Variants in PCDHA4 observed in about 807,000 individuals in gnomAD.
PCDHA4 encodes the protein protocadherin alpha-4.
Under a neutral mutation model 61.4 loss-of-function variants are expected in PCDHA4, and 49 were observed. The ratio of observed to expected loss-of-function variants is 0.80; its 90% CI spans 0.63 to 1.01. The LOEUF (loss-of-function observed/expected upper bound fraction) is 1.01, where lower values mean the gene tolerates loss of function less well. PCDHA4 is among the 50% of genes least tolerant of loss of function. The probability of loss-of-function intolerance (pLI) is 0.00; values close to 1 mark genes in which losing one functional copy is unlikely to be tolerated. For synonymous variants in PCDHA4, 590 were observed against 550.3 expected, an observed-to-expected ratio of 1.07 and a Z score of -1.01; for missense variants, 1,254 against 1,235.8, an observed-to-expected ratio of 1.01 and a Z score of -0.22.
In PCDHA4 at chr5:140,834,549, C is replaced by G. The variant is rs782435489; in HGVS notation, c.2385+24977C>G. 3 of 1,614,074 alleles carry G rather than the reference C, an allele frequency of 1.9e-6. No individual in the cohort carries two copies. Among genetic ancestry groups the G allele is most frequent in the Non-Finnish European group, 2.5e-6 (3 of 1,180,034 alleles). On this transcript the variant is annotated intron_variant, in intron 1 of 3. Transcript: ENST00000530339. ...CATCGCGCAGGACCTGGGGCTGGAG[C>G]TGGCGGAGCTGGTGCCGCGCCTGTT...
At chr5:140,819,523 A>C (rs1766575570) in intron 1 of PCDHA4, among the ~76,000 whole-genome samples, 2 of 152,158 alleles carry the variant, frequency 1.3e-5, no homozygotes, top group Admixed American at 6.5e-5. Flanking sequence ...TAACTGGATC[A>C]GTCAAGAAAA....
rs782495760 is a variant in PCDHA4 at position 141,010,201 on chromosome 5, C to T, written c.*264C>T. Reference sequence around the variant, plus strand: ...GCAGACCCAAGTTTCCTTTCTCCTCCGCCGCAAAGGAGAGGCTTCCCAGCC... The same window carrying T: ...GCAGACCCAAGTTTCCTTTCTCCTCTGCCGCAAAGGAGAGGCTTCCCAGCC... On this transcript the variant is annotated 3_prime_UTR_variant, in exon 4 of 4. Coordinates refer to ENST00000530339, the MANE Select transcript of PCDHA4 (RefSeq NM_018907.4). The T allele has an allele frequency of 1.3e-5, 20 of 1,552,034 alleles. No individual in the cohort carries two copies. The East Asian group carries it at 1.7e-4, about 13-fold the overall frequency.
At chr5:140,995,317 C>T (rs1554254587) in intron 3 of PCDHA4, among the ~76,000 whole-genome samples, 1 of 152,118 alleles carries the variant, frequency 6.6e-6, no homozygotes, top group Non-Finnish European at 1.5e-5. Flanking sequence ...TCTAAGTGAA[C>T]TAACAGGTGA....
intron 1 of PCDHA4, chr5:140,871,184 A>G (rs2052793987): frequency 6.2e-7 from 1 of 1,613,434 alleles, no homozygotes; most frequent in African/African-American, 1.3e-5. Context: ...GCGCTGGTGG[A>G]TGTCAACGTG....
intron 1 of PCDHA4, among the ~76,000 whole-genome samples, chr5:140,873,602 C>T (rs1554166789): frequency 6.6e-6 from 1 of 152,118 alleles, no homozygotes; most frequent in African/African-American, 2.4e-5. Flanking sequence ...TTAGATGTTC[C>T]TATTGGCTTA....
rs368557415 is a variant in PCDHA4, at chr5:140,808,464, C to T, written c.1277C>T (p.Thr426Ile). 1,073 of 1,614,164 alleles carry T rather than the reference C, an allele frequency of 6.6e-4. 17 individuals are homozygous for T. In the South Asian group the frequency reaches 0.011, roughly 17 times the overall value. ...GTGTCAGCCTATGAGCTGGTGGTGA[C>T]CGCGCGAGACGGGGGCTCGCCTTCG... ...ESVSAYELVV[T>I]ARDGGSPSLW... The change falls in exon 1 of 4, where the codon ACC (threonine) becomes ATC (isoleucine). Residue 426 changes from threonine (T) to isoleucine (I), a missense_variant. Physicochemically the swap from Thr to Ile is moderately conservative, Grantham distance 89. Transcript: ENST00000530339.
intron 1 of PCDHA4, chr5:140,829,834 G>A (rs1263397985): frequency 2.5e-6 from 4 of 1,613,810 alleles, no homozygotes; most frequent in African/African-American, 2.7e-5. Flanking sequence ...GCGAGCTGGT[G>A]CCGCGGTCAC....
chr5:140,837,632 C>T (rs2150277792), intron 1 of PCDHA4, among the ~76,000 whole-genome samples: 69 of 151,222 alleles, frequency 4.6e-4, no homozygotes, highest in South Asian at 6.3e-4. Flanking sequence ...TTCCTTCCTT[C>T]CTTTCTTTCT....
At chr5:140,941,409 C>G (rs1284702446) in intron 1 of PCDHA4, among the ~76,000 whole-genome samples, 1 of 149,924 alleles carries the variant, frequency 6.7e-6, no homozygotes, top group Non-Finnish European at 1.5e-5. Flanking sequence ...CTCCGCCTCC[C>G]GGGTTCAAGC....
chr5:140,981,407 C>G (rs1410838924), intron 2 of PCDHA4, among the ~76,000 whole-genome samples: 1 of 152,042 alleles, frequency 6.6e-6, no homozygotes, highest in Non-Finnish European at 1.5e-5. Flanking sequence ...AAACCTGTCT[C>G]TACTAAAAAT....
At chr5:140,970,139 A>G (rs1433151291) in intron 1 of PCDHA4, among the ~76,000 whole-genome samples, 3 of 152,124 alleles carry the variant, frequency 2.0e-5, no homozygotes, top group Non-Finnish European at 4.4e-5. Flanking sequence ...AGAAGGGAAA[A>G]AGAATTCTCC....
chr5:140,926,823 G>A (rs1454618329), intron 1 of PCDHA4: 2 of 1,496,880 alleles, frequency 1.3e-6, no homozygotes, highest in Non-Finnish European at 1.8e-6. Flanking sequence ...TGCTCTCCAG[G>A]AGTCCGGAGC....
At chr5:140,817,727 G>A (rs1353806960) in intron 1 of PCDHA4, 3 of 151,996 alleles carry the variant, frequency 2.0e-5, no homozygotes, top group Non-Finnish European at 4.4e-5. Context: ...ACCTATATAT[G>A]TTTCTTTCTG....
At chr5:140,982,054 G>T (rs565307071) in intron 2 of PCDHA4, among the ~76,000 whole-genome samples, 1 of 152,322 alleles carries the variant, frequency 6.6e-6, no homozygotes, top group East Asian at 1.9e-4. Context: ...AAATATTTTA[G>T]TGTGTTTTCT....
chr5:140,888,533 T>C (rs2061866119), intron 1 of PCDHA4, among the ~76,000 whole-genome samples: 1 of 152,228 alleles, frequency 6.6e-6, no homozygotes, highest in South Asian at 2.1e-4. Flanking sequence ...TGAAGTTAAG[T>C]TGCTCAGTAC....
chr5:140,909,493 G>A (rs989826667), intron 1 of PCDHA4, among the ~76,000 whole-genome samples: 2 of 152,184 alleles, frequency 1.3e-5, no homozygotes, highest in African/African-American at 4.8e-5. Context: ...AGAGCTGAAC[G>A]GGGATGTGGT....
Position 140,830,125 on chromosome 5 carries a change from G to C in PCDHA4, c.2385+20553G>C, listed in dbSNP as rs2150181468. ...TGGAGAGTGGCCAGGCTCCAAAGGC[G>C]TCATCACGGGCGTCGGTGGGCGCCG... On this transcript the variant is annotated intron_variant, in intron 1 of 3. Coordinates refer to ENST00000530339, the MANE Select transcript of PCDHA4 (RefSeq NM_018907.4). 3.9e-5 allele frequency: 63 copies of C among 1,613,452 alleles called. No individual in the cohort carries two copies. In the South Asian group the frequency reaches 6.7e-4, roughly 17 times the overall value.
At position 140,944,281 on chromosome 5, in the gene PCDHA4, G is replaced by A. The variant is rs987563636; in HGVS notation, c.2386-34668G>A. ...CTGCTCACTGCAGCCTTGACACCCC[G>A]GGCTCAAGCGATCCTCCTACCTCAG... On this transcript the variant is annotated intron_variant, in intron 1 of 3. Coordinates refer to ENST00000530339, the MANE Select transcript of PCDHA4 (RefSeq NM_018907.4). Among the ~76,000 whole-genome samples, 18 of 152,138 alleles carry A rather than the reference G, an allele frequency of 1.2e-4. No individual in the cohort carries two copies. The Middle Eastern group carries it at 0.014, about 115-fold the overall frequency.
chr5:140,897,178 CA>C (rs1414076017), intron 1 of PCDHA4, among the ~76,000 whole-genome samples: 4 of 151,978 alleles, frequency 2.6e-5, no homozygotes, highest in South Asian at 2.1e-4. Context: ...TCCATGGGTT[CA>C]AAAAATATAT....
Sources: allele counts gnomAD v4.1 joint callset (sites outside exome capture counted in the v4.1 genomes callset), GRCh38; gene constraint gnomAD v4.1.1; transcripts MANE v1.5; gene names NCBI Gene and HGNC (gene_info 2026-07-23, HGNC 2026-07-21).